ODF2: variants seen among roughly 807,000 people sequenced by gnomAD.
ODF2 encodes the protein outer dense fiber protein 2.
In ODF2, 47 loss-of-function variants were observed where a neutral mutation model predicts 110.2. That is an observed-to-expected ratio of 0.43 (90% CI 0.34 to 0.54). The LOEUF is 0.54. Among genes scored for constraint, ODF2 ranks in the 20% least tolerant of loss-of-function variants. The pLI is 0.03. For synonymous variants in ODF2, 352 were observed against 397.7 expected (o/e 0.89, Z 1.37); for missense variants, 812 against 1,054.5 (o/e 0.77, Z 3.19).
Position 128,485,615 on chromosome 9 carries a change from G to T in ODF2, c.1400+141G>T. On this transcript the variant is annotated intron_variant, in intron 13 of 20. Coordinates refer to ENST00000604420, the Ensembl canonical transcript of ODF2. This position sits in a 1 kb window ranked among gnomAD's most constrained non-coding sequence, Gnocchi z 5.0. The stretch of plus-strand genomic sequence containing the variant: ...TGGGGGCTGCACTGGGCTGTGATGT[G>T]GGTAGCCCTGAGCTGGGCTTTCTGG... 1 of 597,550 alleles carries T rather than the reference G, an allele frequency of 1.7e-6. No individual in the cohort carries two copies. Among genetic ancestry groups the T allele is most frequent in the Admixed American group, 2.9e-5 (1 of 35,068 alleles). The allele number at this position is 597,550 out of a possible 1,614,324, so 37.0% of individuals were successfully genotyped here.
At chr9:128,499,485 G>C (rs903974786) in intron 20 of ODF2, among the ~76,000 whole-genome samples, 2 of 152,064 alleles carry the variant, frequency 1.3e-5, no homozygotes, top group African/African-American at 4.8e-5. Context: ...AGTAGAGATG[G>C]GGTTTCGCCA....
intron 4 of ODF2, among the ~76,000 whole-genome samples, chr9:128,466,240 C>T (rs546120443): frequency 7.2e-5 from 11 of 151,914 alleles, no homozygotes; most frequent in African/African-American, 2.4e-4. Context: ...CTAAGGCAGG[C>T]GGTTCACCTG....
intron 7 of ODF2, 114 bp downstream of exon 7, chr9:128,473,156 G>A (rs1229712641): frequency 6.6e-7 from 1 of 1,513,718 alleles, no homozygotes; most frequent in African/African-American, 1.4e-5. Flanking sequence ...TCTTCAGGCT[G>A]GGGGAGAGCA....
intron 4 of ODF2, 87 bp from the exon 5 acceptor site, chr9:128,469,096 C>G (rs755971011): frequency 2.3e-6 from 3 of 1,329,188 alleles, no homozygotes; most frequent in Non-Finnish European, 2.1e-6. Flanking sequence ...CTTTTCCCGT[C>G]TAATCAGTAA....
At chr9:128,469,130 G>A (rs1839070241) in intron 4 of ODF2, 53 bp from the exon 5 acceptor site, 5 of 1,560,408 alleles carry the variant, frequency 3.2e-6, no homozygotes, top group Middle Eastern at 2.0e-4. Flanking sequence ...GGTGGAACTC[G>A]TGGTCAAGGT....
rs374561052 is a variant in ODF2, at chr9:128,492,478, A to G, written c.1589A>G (p.Gln530Arg). The change falls in exon 15 of 21, where the codon CAG (glutamine) becomes CGG (arginine). Residue 530 changes from glutamine to arginine, a missense_variant. This residue lies in a region of ODF2 where 165 missense variants were observed against 293.4 expected (regional missense o/e 0.56). Transcript: ENST00000604420. ...CTCAACCAGGCACACCTCGAGGTCCAGCAGCTGAAGGCCTCAGTGAAGAAC... is the reference window on the plus strand; with the variant it reads ...CTCAACCAGGCACACCTCGAGGTCCGGCAGCTGAAGGCCTCAGTGAAGAAC... 23 of 1,613,996 alleles carry G rather than the reference A, an allele frequency of 1.4e-5. No homozygotes were observed. The African/African-American group carries it at 2.3e-4, about 16-fold the overall frequency.
chr9:128,459,603 C>T (rs1835871705), exon 3 of ODF2: 5 of 1,614,042 alleles, frequency 3.1e-6, no homozygotes, highest in Non-Finnish European at 4.2e-6. Context: ...TAACGAGTCT[C>T]ACGCAGAAAA....
chr9:128,487,509 C>T (rs1005331420), intron 13 of ODF2, among the ~76,000 whole-genome samples: 1 of 151,904 alleles, frequency 6.6e-6, no homozygotes, highest in Non-Finnish European at 1.5e-5. Flanking sequence ...TGTAATTGGC[C>T]GGGTGCGGTG....
chr9:128,473,726 A>G (rs781402056), exon 8 of ODF2: 3 of 1,613,204 alleles, frequency 1.9e-6, no homozygotes, highest in Non-Finnish European at 2.5e-6. Context: ...TCCTGAGGGA[A>G]CAGCACTGCA....
chr9:128,457,037 G>A, intron 1 of ODF2: 1 of 1,283,194 alleles, frequency 7.8e-7, no homozygotes, highest in Non-Finnish European at 1.0e-6. Context: ...CTCTCCGCAC[G>A]TCCGCCGGCG....
At chr9:128,497,543 C>CTGAG (rs1229975794) in intron 18 of ODF2, 1 of 138,804 alleles carries the variant, frequency 7.2e-6, no homozygotes, top group African/African-American at 2.7e-5. Flanking sequence ...ACTCGGAAGG[C>CTGAG]TGAGGCAGGA....
At chr9:128,490,576 C>T (rs1429650069) in intron 14 of ODF2, among the ~76,000 whole-genome samples, 2 of 152,156 alleles carry the variant, frequency 1.3e-5, no homozygotes, top group Admixed American at 6.5e-5. Context: ...TGAGCCACCA[C>T]GCCTGGCCTT....
At chr9:128,456,617 C>T (rs1479471641) in intron 1 of ODF2, 3 of 1,513,572 alleles carry the variant, frequency 2.0e-6, no homozygotes, top group Admixed American at 2.1e-5. Context: ...GAGGCTCTCC[C>T]TCGCTCTGCT....
intron 8 of ODF2, among the ~76,000 whole-genome samples, chr9:128,474,624 G>A (rs1357754999): frequency 3.3e-5 from 5 of 151,510 alleles, no homozygotes; most frequent in African/African-American, 1.2e-4. Context: ...TTGTGCCACT[G>A]CACTCCAGCC....
chr9:128,495,324 G>A (rs768984618), intron 17 of ODF2, among the ~76,000 whole-genome samples: 20 of 152,212 alleles, frequency 1.3e-4, no homozygotes, highest in Non-Finnish European at 7.3e-5. Flanking sequence ...ACTCTGTGAG[G>A]TGCATGTGTT....
chr9:128,490,895 G>A (rs1007343917), intron 14 of ODF2, among the ~76,000 whole-genome samples: 2 of 152,048 alleles, frequency 1.3e-5, no homozygotes, highest in African/African-American at 4.8e-5. Flanking sequence ...CATTTAAGAT[G>A]AATAATTGGG....
At chr9:128,456,435 G>A (rs1288358338) in intron 1 of ODF2, 180 bp downstream of exon 1, 34 of 1,506,374 alleles carry the variant, frequency 2.3e-5, no homozygotes, top group South Asian at 1.2e-4. Flanking sequence ...CCGGCGCGGG[G>A]CCTCTCCTCC....
intron 14 of ODF2, among the ~76,000 whole-genome samples, chr9:128,489,070 C>G (rs565145439): frequency 6.6e-6 from 1 of 152,136 alleles, no homozygotes; most frequent in African/African-American, 2.4e-5. Context: ...AGTGTCTTGC[C>G]AAGATTTTGC....
chr9:128,456,130 GA>G, upstream of ODF2: 1 of 1,548,110 alleles, frequency 6.5e-7, no homozygotes, highest in Non-Finnish European at 8.7e-7. Context: ...AAAGGAGGCG[GA>G]AGCGGGGAGG....
Sources: gnomAD v4.1 joint callset for allele counts (sites outside exome capture counted in the v4.1 genomes callset) on GRCh38, gnomAD v4.1.1 for gene constraint, gnomAD v4.1.1 regional missense constraint, Gnocchi (gnomAD v3.1) non-coding constraint, MANE v1.5 for transcripts, NCBI Gene and HGNC (gene_info 2026-07-23, HGNC 2026-07-21) for gene names.